The following SGCZ variants were observed in gnomAD, a reference collection of about 807,000 sequenced individuals.
The protein encoded by SGCZ is zeta-sarcoglycan.
Under a neutral mutation model 41.3 loss-of-function variants are expected in SGCZ, and 40 were observed. The observed-to-expected ratio is 0.97, with a 90% confidence interval of 0.75 to 1.26. The LOEUF is 1.26. SGCZ is among the 50% of genes most tolerant of loss of function. The probability of loss-of-function intolerance (pLI) is 0.00; values close to 1 mark genes in which losing one functional copy is unlikely to be tolerated. For synonymous variants in SGCZ, 206 were observed against 137.5 expected, an observed-to-expected ratio of 1.50 and a Z score of -3.49; for missense variants, 552 against 369.8, an observed-to-expected ratio of 1.49 and a Z score of -4.04.
At chr8:14,982,080 G>A (rs1801681088) in intron 1 of SGCZ, among the ~76,000 whole-genome samples, 1 of 151,640 alleles carries the variant, frequency 6.6e-6, no homozygotes, top group African/African-American at 2.4e-5. Flanking sequence ...AACCCAGGAG[G>A]CGGAGTTTGC....
At chr8:14,477,094 T>A (rs1222325801) in intron 2 of SGCZ, among the ~76,000 whole-genome samples, 1 of 152,220 alleles carries the variant, frequency 6.6e-6, no homozygotes, top group African/African-American at 2.4e-5. Context: ...CTTTCCTTAA[T>A]ATTTCCTTCC....
chr8:15,197,078 A>G (rs577467295), intron 1 of SGCZ, among the ~76,000 whole-genome samples: 28 of 152,226 alleles, frequency 1.8e-4, no homozygotes, highest in Non-Finnish European at 3.7e-4. Context: ...TCTATTAGTC[A>G]AAGACACAAA....
intron 1 of SGCZ, among the ~76,000 whole-genome samples, chr8:14,949,386 T>C (rs777475680): frequency 1.3e-5 from 2 of 152,154 alleles, no homozygotes; most frequent in Non-Finnish European, 2.9e-5. Context: ...GTCTGAAATA[T>C]GTACCTATTC....
intron 2 of SGCZ, among the ~76,000 whole-genome samples, chr8:14,405,071 C>T (rs1799174854): frequency 6.6e-6 from 1 of 152,172 alleles, no homozygotes; most frequent in African/African-American, 2.4e-5. Flanking sequence ...TGCTCCTGAA[C>T]TGTGACCCTG....
chr8:15,066,335 G>A (rs1234852448), intron 1 of SGCZ, among the ~76,000 whole-genome samples: 5 of 136,976 alleles, frequency 3.7e-5, no homozygotes, highest in African/African-American at 1.1e-4. Context: ...AAAAAAAAAA[G>A]AAGTCCACCT....
chr8:15,059,185 T>C (rs1804826474), intron 1 of SGCZ, among the ~76,000 whole-genome samples: 2 of 152,216 alleles, frequency 1.3e-5, no homozygotes, highest in African/African-American at 4.8e-5. Flanking sequence ...TCAGTATAGA[T>C]ATTCTCGATT....
At chr8:14,558,068 G>A (rs1444386740) in intron 1 of SGCZ, among the ~76,000 whole-genome samples, 1 of 152,032 alleles carries the variant, frequency 6.6e-6, no homozygotes, top group Non-Finnish European at 1.5e-5. Context: ...AAACCTAGAG[G>A]ACATGGCTCA....
chr8:14,891,125 G>T (rs1485509546), intron 1 of SGCZ, among the ~76,000 whole-genome samples: 1 of 152,194 alleles, frequency 6.6e-6, no homozygotes, highest in African/African-American at 2.4e-5. Context: ...CCTCCCTTGT[G>T]CAGCCCATGG....
intron 1 of SGCZ, among the ~76,000 whole-genome samples, chr8:14,876,092 G>T (rs1585340117): frequency 6.6e-6 from 1 of 152,114 alleles, no homozygotes; most frequent in East Asian, 1.9e-4. Context: ...CAGTGGTGTG[G>T]TAGCCAAAAG....
intron 1 of SGCZ, among the ~76,000 whole-genome samples, chr8:15,024,059 T>A (rs12678080): frequency 6.6e-6 from 1 of 152,238 alleles, no homozygotes; most frequent in East Asian, 1.9e-4. Flanking sequence ...ATCACAATCA[T>A]GTTTCTTGAG....
chr8:14,215,275 A>T (rs570600635), intron 4 of SGCZ, among the ~76,000 whole-genome samples: 1 of 152,176 alleles, frequency 6.6e-6, no homozygotes, highest in African/African-American at 2.4e-5. Context: ...ATAGACAAAG[A>T]AGTCTCAAAA....
chr8:14,566,892 C>A (rs7014919), intron 1 of SGCZ, among the ~76,000 whole-genome samples: 2 of 152,210 alleles, frequency 1.3e-5, no homozygotes, highest in South Asian at 4.1e-4. Context: ...AGGTGGGCGG[C>A]TGTGGGCTCG....
At chr8:14,769,544 C>A (rs1003763355) in intron 1 of SGCZ, among the ~76,000 whole-genome samples, 2 of 152,128 alleles carry the variant, frequency 1.3e-5, no homozygotes, top group Non-Finnish European at 2.9e-5. Flanking sequence ...GTAATCCCAG[C>A]ACTTTGGGAA....
At chr8:14,586,943 T>C (rs1463977793) in intron 1 of SGCZ, among the ~76,000 whole-genome samples, 1 of 152,128 alleles carries the variant, frequency 6.6e-6, no homozygotes, top group Non-Finnish European at 1.5e-5. Flanking sequence ...TACAAGGTCA[T>C]GTCATCATAT....
intron 2 of SGCZ, among the ~76,000 whole-genome samples, chr8:14,527,011 T>A (rs1038154049): frequency 2.6e-5 from 4 of 152,062 alleles, no homozygotes; most frequent in African/African-American, 9.7e-5. Context: ...TTGAGTCGCT[T>A]TCTCAATATT....
At chr8:14,669,500 G>A (rs937600040) in intron 1 of SGCZ, among the ~76,000 whole-genome samples, 6 of 151,762 alleles carry the variant, frequency 4.0e-5, no homozygotes, top group South Asian at 4.2e-4. Context: ...CCATCCATAG[G>A]TAACCACCCT....
At position 14,443,233 on chromosome 8, in the gene SGCZ, GC is replaced by G. The variant is rs751849008; in HGVS notation, c.234+111498del. Among the ~76,000 whole-genome samples the G allele has an allele frequency of 3.9e-5, 6 of 152,074 alleles. No individual in the cohort carries two copies. The East Asian group carries it at 9.7e-4, about 25-fold the overall frequency. ...TCAATATTGTGAAAATGGCCATACTGCCCAAGGTAATTTATAGATTCAATGC... is the reference window on the plus strand; with the variant it reads ...TCAATATTGTGAAAATGGCCATACTGCCAAGGTAATTTATAGATTCAATGC... On this transcript the variant is annotated intron_variant, in intron 2 of 7. Coordinates refer to ENST00000382080, the MANE Select transcript of SGCZ (RefSeq NM_139167.4).
At chr8:15,221,679 C>A (rs191216049) in intron 1 of SGCZ, among the ~76,000 whole-genome samples, 35 of 152,244 alleles carry the variant, frequency 2.3e-4, no homozygotes, top group African/African-American at 7.9e-4. Flanking sequence ...TGCTGAAAAC[C>A]CATCAATGTG....
intron 1 of SGCZ, among the ~76,000 whole-genome samples, chr8:14,754,876 C>A (rs1799609849): frequency 6.6e-6 from 1 of 151,980 alleles, no homozygotes; most frequent in African/African-American, 2.4e-5. Context: ...TGTGCACCAC[C>A]ACACCCAGCT....
Sources: gnomAD v4.1 joint callset for allele counts (sites outside exome capture counted in the v4.1 genomes callset) on GRCh38, gnomAD v4.1.1 for gene constraint, MANE v1.5 for transcripts, NCBI Gene and HGNC (gene_info 2026-07-23, HGNC 2026-07-21) for gene names.